CHN2: variants seen among roughly 807,000 people sequenced by gnomAD.
CHN2 encodes chimerin 2.
In CHN2, 35 loss-of-function variants were observed where a neutral mutation model predicts 56.3. That is an observed-to-expected ratio of 0.62 (90% CI 0.47 to 0.82). The LOEUF is 0.82. CHN2 is among the 40% of genes least tolerant of loss of function. The pLI, the probability that CHN2 is intolerant of heterozygous loss-of-function variation, is 0.00. For synonymous variants in CHN2, 210 were observed against 212.8 expected (o/e 0.99, Z 0.12); for missense variants, 491 against 580.5 (o/e 0.85, Z 1.58).
intron 7 of CHN2, among the ~76,000 whole-genome samples, chr7:29,480,734 G>A (rs144467853): frequency 3.9e-5 from 6 of 152,306 alleles, no homozygotes; most frequent in East Asian, 3.9e-4. Flanking sequence ...TGCTGTCTCC[G>A]AGCAAGGGAA....
chr7:29,459,484 A>G (rs1784995119), intron 6 of CHN2, among the ~76,000 whole-genome samples: 1 of 152,132 alleles, frequency 6.6e-6, no homozygotes, highest in Non-Finnish European at 1.5e-5. Flanking sequence ...CCTCCCCTGC[A>G]GGTTGTTCAT....
At chr7:29,433,017 C>T (rs1782960622) in intron 6 of CHN2, among the ~76,000 whole-genome samples, 1 of 152,188 alleles carries the variant, frequency 6.6e-6, no homozygotes, top group African/African-American at 2.4e-5. Flanking sequence ...AGAATTCTTG[C>T]ACGGATATAG....
intron 7 of CHN2, chr7:29,483,763 C>G: frequency 9.0e-7 from 1 of 1,113,590 alleles, no homozygotes; most frequent in Non-Finnish European, 1.1e-6. Context: ...TTCAGGCCAG[C>G]CAACCCCAGA....
chr7:29,195,641 T>A (rs879591822), intron 1 of CHN2, among the ~76,000 whole-genome samples: 1,698 of 113,798 alleles, frequency 0.015, 16 homozygotes, highest in African/African-American at 0.031. Context: ...TGTGTGTGTG[T>A]GTGTGTGTGA....
At chr7:29,181,574 C>T (rs961519881) in intron 2 of CHN2, among the ~76,000 whole-genome samples, 5 of 151,998 alleles carry the variant, frequency 3.3e-5, no homozygotes, top group African/African-American at 1.2e-4. Context: ...TTTTATATTG[C>T]CATTAAAAGT....
chr7:29,241,921 G>A (rs1293252245), intron 1 of CHN2, among the ~76,000 whole-genome samples: 3 of 152,162 alleles, frequency 2.0e-5, no homozygotes, highest in Admixed American at 2.0e-4. Context: ...GGCAACTTAA[G>A]AAGAAAGTTT....
chr7:29,395,077 C>T (rs1371675848), intron 4 of CHN2, among the ~76,000 whole-genome samples: 3 of 152,126 alleles, frequency 2.0e-5, no homozygotes, highest in African/African-American at 7.2e-5. Context: ...TCAGGAAACG[C>T]ACATACACAT....
At chr7:29,215,107 C>T (rs1180718480) in intron 1 of CHN2, among the ~76,000 whole-genome samples, 1 of 152,060 alleles carries the variant, frequency 6.6e-6, no homozygotes, top group Non-Finnish European at 1.5e-5. Context: ...GTTCACAGTC[C>T]AAAGTTTGAG....
intron 6 of CHN2, among the ~76,000 whole-genome samples, chr7:29,430,561 T>A (rs1026334152): frequency 2.0e-5 from 3 of 152,166 alleles, no homozygotes; most frequent in Non-Finnish European, 4.4e-5. Context: ...TTTTTGAGTC[T>A]GCTCTAAACA....
chr7:29,153,595 TCTCA>T (rs1793916184), intron 2 of CHN2, among the ~76,000 whole-genome samples: 1 of 152,050 alleles, frequency 6.6e-6, no homozygotes. Context: ...TTAGACAGAG[TCTCA>T]CTCACTTTTG....
intron 3 of CHN2, among the ~76,000 whole-genome samples, chr7:29,385,614 G>A (rs139417903): frequency 2.6e-5 from 4 of 152,314 alleles, no homozygotes; most frequent in Admixed American, 6.5e-5. Context: ...GTTTGACCAC[G>A]TGGCACTGGG....
chr7:29,185,956 G>A (rs1174911367), intron 2 of CHN2, among the ~76,000 whole-genome samples: 4 of 152,168 alleles, frequency 2.6e-5, no homozygotes, highest in South Asian at 4.1e-4. Flanking sequence ...TGTGAAAATC[G>A]TTATTTAATT....
intron 1 of CHN2, among the ~76,000 whole-genome samples, chr7:29,326,129 A>ATTGTTTGT (rs71555797): frequency 4.0e-4 from 61 of 151,308 alleles, no homozygotes; most frequent in African/African-American, 1.4e-3. Context: ...TAGAGAAATT[A>ATTGTTTGT]TTGTTTGTTT....
At chr7:29,294,913 C>T (rs143164932) in intron 1 of CHN2, among the ~76,000 whole-genome samples, 73 of 152,254 alleles carry the variant, frequency 4.8e-4, no homozygotes, top group African/African-American at 1.6e-3. Context: ...TCATGGATCC[C>T]GCTGTGTGCT....
At chr7:29,361,268 A>G (rs1390486093) in intron 2 of CHN2, among the ~76,000 whole-genome samples, 1 of 152,192 alleles carries the variant, frequency 6.6e-6, no homozygotes, top group African/African-American at 2.4e-5. Flanking sequence ...GATTTTTTTC[A>G]TGGATGCTAT....
intron 1 of CHN2, among the ~76,000 whole-genome samples, chr7:29,349,370 T>C (rs150680536): frequency 0.01 from 1,590 of 152,298 alleles, 25 homozygotes; most frequent in African/African-American, 0.035. Context: ...TTACTCTCAT[T>C]GTATAGATTT....
At chr7:29,383,911 G>C (rs948204702) in intron 3 of CHN2, among the ~76,000 whole-genome samples, 4 of 152,312 alleles carry the variant, frequency 2.6e-5, no homozygotes, top group Middle Eastern at 6.8e-3. Context: ...GACTACTTTC[G>C]TAGTCTAGAT....
chr7:29,461,117 G>A (rs1484511147), intron 6 of CHN2, among the ~76,000 whole-genome samples: 1 of 152,142 alleles, frequency 6.6e-6, no homozygotes, highest in African/African-American at 2.4e-5. Flanking sequence ...TAAATGGCAG[G>A]GAAACCACAT....
At chr7:29,263,135 T>C (rs940460887) in intron 1 of CHN2, among the ~76,000 whole-genome samples, 4 of 152,100 alleles carry the variant, frequency 2.6e-5, no homozygotes. Context: ...CCTGCCTGAC[T>C]CTCCTGCCTC....
Sources: allele counts gnomAD v4.1 joint callset (sites outside exome capture counted in the v4.1 genomes callset), GRCh38; gene constraint gnomAD v4.1.1; transcripts MANE v1.5; gene names NCBI Gene and HGNC (gene_info 2026-07-23, HGNC 2026-07-21).